Variants in GABRG1 observed in about 807,000 individuals in gnomAD.
The protein encoded by GABRG1 is gamma-aminobutyric acid receptor subunit gamma-1.
GABRG1 carries 49 observed loss-of-function variants against 49.8 expected under a neutral mutation model. That is an observed-to-expected ratio of 0.98 (90% CI 0.78 to 1.25). GABRG1 has a LOEUF of 1.25. Among genes scored for constraint, GABRG1 ranks in the 50% most tolerant of loss-of-function variants. GABRG1 has a pLI of 0.00. For missense variants in GABRG1, 552 were observed against 552.3 expected (o/e 1.00, Z 0.01); for synonymous variants, 232 against 185.1 (o/e 1.25, Z -2.06).
intron 1 of GABRG1, among the ~76,000 whole-genome samples, chr4:46,102,629 C>T (rs1464331677): frequency 2.0e-5 from 3 of 151,602 alleles, no homozygotes; most frequent in Admixed American, 6.6e-5. Flanking sequence ...GCAACCTGTA[C>T]TTATTTACTA....
At chr4:46,105,966 C>A (rs1484033080) in intron 1 of GABRG1, among the ~76,000 whole-genome samples, 2 of 151,386 alleles carry the variant, frequency 1.3e-5, no homozygotes, top group African/African-American at 4.8e-5. Flanking sequence ...TTTTCTTCTC[C>A]AGGTTCCAGT....
intron 1 of GABRG1, among the ~76,000 whole-genome samples, chr4:46,104,826 A>C (rs1353640): frequency 0.6 from 90,580 of 151,112 alleles, 28,254 homozygotes; most frequent in African/African-American, 0.77. Flanking sequence ...CAGAAGAAAG[A>C]TCATGGAAAA....
intron 3 of GABRG1, among the ~76,000 whole-genome samples, chr4:46,072,636 C>T (rs1199071003): frequency 6.6e-6 from 1 of 151,984 alleles, no homozygotes; most frequent in East Asian, 1.9e-4. Context: ...AATCCATTAC[C>T]TATAGATTAT....
chr4:46,097,241 C>A lies in GABRG1; in HGVS notation c.213G>T (p.Leu71Phe). Residue 71 changes from leucine to phenylalanine, a missense_variant, in exon 2 of 9, where the codon TTG becomes TTT. By Grantham distance (22) the Leu-to-Phe change is conservative. Coordinates refer to ENST00000295452, the MANE Select transcript of GABRG1 (RefSeq NM_173536.4). ...EGDITQILNS[L>F]LQGYDNKLRP... ...GAAGTTTATTGTCATAGCCTTGAAG[C>A]AATGAATTCAGAATTTGTGTGATAT... The A allele has an allele frequency of 3.7e-6, 6 of 1,610,404 alleles. No homozygotes were observed. The highest frequency in any genetic ancestry group is 5.1e-6 in the Non-Finnish European group (6 of 1,177,840).
intron 5 of GABRG1, among the ~76,000 whole-genome samples, chr4:46,060,257 ATG>A (rs34820575): frequency 0.49 from 72,589 of 148,946 alleles, 17,693 homozygotes; most frequent in African/African-American, 0.56. Context: ...CGGTGGTTGT[ATG>A]TGTGTGTGTG....
At chr4:46,051,791 A>G (rs1467205265) in intron 7 of GABRG1, among the ~76,000 whole-genome samples, 153 bp from the exon 8 acceptor site, 1 of 151,944 alleles carries the variant, frequency 6.6e-6, no homozygotes, top group African/African-American at 2.4e-5. Context: ...AGCCATAGCA[A>G]CATTGTGTCC....
intron 3 of GABRG1, among the ~76,000 whole-genome samples, chr4:46,072,718 A>G (rs921809676): frequency 4.6e-5 from 7 of 152,104 alleles, no homozygotes; most frequent in African/African-American, 1.7e-4. Context: ...AGTGATCTAC[A>G]CTGAAAACAT....
intron 3 of GABRG1, 68 bp from the exon 4 acceptor site, chr4:46,065,652 G>A (rs904420005): frequency 4.0e-6 from 3 of 751,620 alleles, no homozygotes; most frequent in Middle Eastern, 3.8e-4. Flanking sequence ...TCGAAAGTTT[G>A]AATTTTTGTA....
chr4:46,041,076 G>A lies in GABRG1; in HGVS notation c.1310C>T (p.Ala437Val), dbSNP rs753642738. 1.9e-5 allele frequency: 30 copies of A among 1,612,976 alleles called. No individual in the cohort carries two copies. Among genetic ancestry groups the A allele is most frequent in the Non-Finnish European group, 2.4e-5 (28 of 1,179,300 alleles). ...WREGRIHIRIAKIDSYSRIFF... is the reference protein window; with the variant it reads ...WREGRIHIRIVKIDSYSRIFF... Reference sequence around the variant, plus strand: ...TATTCTAGAATAAGAGTCAATTTTGGCAATGCGTATGTGTATCCTTCCTTC... The same window carrying A: ...TATTCTAGAATAAGAGTCAATTTTGACAATGCGTATGTGTATCCTTCCTTC... Residue 437 changes from alanine to valine, a missense_variant, in exon 9 of 9, where the codon GCC (alanine) becomes GTC (valine). Physicochemically the swap from Ala to Val is moderately conservative, Grantham distance 64. Transcript: ENST00000295452.
Position 46,051,461 on chromosome 4 carries a change from G to A in GABRG1, c.1094C>T (p.Thr365Ile), listed in dbSNP as rs749363083. The change falls in exon 8 of 9, where the codon ACT (threonine) becomes ATT (isoleucine). Residue 365 changes from threonine to isoleucine, a missense_variant. Coordinates refer to ENST00000295452, the MANE Select transcript of GABRG1 (RefSeq NM_173536.4). ...TTTTAGCTTTCTGTCTTTAGTAGCA[G>A]TCTTTCCTTTTTGGTTGCTGGTAAA... ...HYFTSNQKGKTATKDRKLKNK... is the reference protein window; with the variant it reads ...HYFTSNQKGKIATKDRKLKNK... 14 of 1,610,210 alleles carry A rather than the reference G, an allele frequency of 8.7e-6. No individual in the cohort carries two copies. The highest frequency in any genetic ancestry group is 3.4e-5 in the Admixed American group (2 of 59,642).
rs1577662484 is a variant in GABRG1 at position 46,097,307 on chromosome 4, C to T, written c.147G>A (p.Val49=). Residue 49 remains valine, a synonymous_variant, in exon 2 of 9, where the codon GTG becomes GTA. Transcript: ENST00000295452. ...ADDEDDEDLT[V]NKTWVLAPKI... Reference sequence around the variant, plus strand: ...TTGGGGCCAAGACCCAGGTTTTGTTCACCGTTAAATCCTCATCATCTTCAT... The same window carrying T: ...TTGGGGCCAAGACCCAGGTTTTGTTTACCGTTAAATCCTCATCATCTTCAT... The T allele has an allele frequency of 5.0e-6, 8 of 1,610,594 alleles. No homozygotes were observed. The highest frequency in any genetic ancestry group is 2.2e-5 in the East Asian group (1 of 44,650).
chr4:46,077,992 A>T (rs1421567138), intron 3 of GABRG1, among the ~76,000 whole-genome samples: 3 of 151,634 alleles, frequency 2.0e-5, no homozygotes, highest in African/African-American at 4.8e-5. Flanking sequence ...CTAATATTTA[A>T]TTTTTTCTCT....
rs147764869 is a variant in GABRG1 at position 46,095,241 on chromosome 4, T to C, written c.253+1960A>G. On this transcript the variant is annotated intron_variant, in intron 2 of 8. Coordinates refer to ENST00000295452, the MANE Select transcript of GABRG1 (RefSeq NM_173536.4). ...AGAAGTCAGAAAGTCAGAGAGAATA[T>C]TGTGCAAATACAAGGCAGGCAAAGT... is the stretch of plus-strand genomic sequence containing the variant. Among the ~76,000 whole-genome samples, 548 of 151,788 alleles carry C rather than the reference T, an allele frequency of 3.6e-3. 1 individual carries two copies. Among genetic ancestry groups the C allele is most frequent in the African/African-American group, 0.013 (529 of 41,482 alleles).
At chr4:46,061,531 CA>C (rs2109405279) in intron 5 of GABRG1, among the ~76,000 whole-genome samples, 1 of 152,030 alleles carries the variant, frequency 6.6e-6, no homozygotes, top group East Asian at 1.9e-4. Context: ...AGCCATTTTA[CA>C]TATTTTTAAG....
Position 46,124,051 on chromosome 4 carries a change from A to G in GABRG1, c.-138T>C. On this transcript the variant is annotated 5_prime_UTR_variant, in exon 1 of 9. Transcript: ENST00000295452. ...GCACCTCCCAAACAGGTAGGATGCG[A>G]CTCCCAGCAGAATTGAGCCAGGGAG... The G allele has an allele frequency of 1.6e-6, 1 of 633,244 alleles. No homozygotes were observed. The highest frequency in any genetic ancestry group is 2.8e-6 in the Non-Finnish European group (1 of 353,156). 39.2% of individuals were successfully genotyped at this position (633,244 alleles called of 1,614,324 possible). A position where few individuals can be genotyped will look rare whatever the true frequency, so the allele number is the denominator to read the frequency against.
intron 1 of GABRG1, among the ~76,000 whole-genome samples, chr4:46,114,555 C>T (rs1720826520): frequency 6.6e-6 from 1 of 150,778 alleles, no homozygotes; most frequent in South Asian, 2.1e-4. Flanking sequence ...TATTTAAATA[C>T]CTTAGAGCCA....
At chr4:46,044,765 T>C (rs1256887985) in intron 8 of GABRG1, among the ~76,000 whole-genome samples, 1 of 152,076 alleles carries the variant, frequency 6.6e-6, no homozygotes, top group Non-Finnish European at 1.5e-5. Context: ...TGCACTCCTT[T>C]GAACTATGGT....
rs918858147 is a variant in GABRG1, at chr4:46,036,909, C to G, written c.*4079G>C. On this transcript the variant is annotated 3_prime_UTR_variant, in exon 9 of 9. Coordinates refer to ENST00000295452, the MANE Select transcript of GABRG1 (RefSeq NM_173536.4). Reference sequence around the variant, plus strand: ...TTCTCAGTTTATTGTTCTAACCTAACCTTTCATTGTCTCTATATGAATCTT... The same window carrying G: ...TTCTCAGTTTATTGTTCTAACCTAAGCTTTCATTGTCTCTATATGAATCTT... 1 of 151,802 alleles carries G rather than the reference C, an allele frequency of 6.6e-6. No homozygotes were observed. Among genetic ancestry groups the G allele is most frequent in the Non-Finnish European group, 1.5e-5 (1 of 67,836 alleles). 9.4% of individuals were successfully genotyped at this position (151,802 alleles called of 1,614,324 possible).
intron 1 of GABRG1, 127 bp downstream of exon 1, chr4:46,123,682 GT>G: frequency 1.6e-6 from 1 of 644,136 alleles, no homozygotes; most frequent in Admixed American, 2.9e-5. Flanking sequence ...TAAAACGATG[GT>G]AAATACCACA....
Sources: gnomAD v4.1 joint callset for allele counts (sites outside exome capture counted in the v4.1 genomes callset) on GRCh38, gnomAD v4.1.1 for gene constraint, MANE v1.5 for transcripts, NCBI Gene and HGNC (gene_info 2026-07-23, HGNC 2026-07-21) for gene names.